Variants in HERC3 observed in about 807,000 individuals in gnomAD.
HERC3 encodes the protein HECT and RLD domain containing E3 ubiquitin protein ligase 3.
Under a neutral mutation model 129.9 loss-of-function variants are expected in HERC3, and 58 were observed. The ratio of observed to expected loss-of-function variants is 0.45; its 90% CI spans 0.36 to 0.56. The LOEUF (loss-of-function observed/expected upper bound fraction) is 0.56. Among genes scored for constraint, HERC3 ranks in the 20% least tolerant of loss-of-function variants. The pLI is 0.00. For synonymous variants in HERC3, 430 were observed against 451.0 expected (o/e 0.95, Z 0.59); for missense variants, 835 against 1,244.2 (o/e 0.67, Z 4.95).
intron 16 of HERC3, among the ~76,000 whole-genome samples, chr4:88,672,374 A>G (rs543782590): frequency 4.3e-4 from 66 of 152,320 alleles, no homozygotes; most frequent in East Asian, 3.5e-3. Flanking sequence ...TATTAAAGAA[A>G]TATGGAAAAT....
chr4:88,649,328 A>T (rs964161143), intron 3 of HERC3, among the ~76,000 whole-genome samples: 5 of 152,072 alleles, frequency 3.3e-5, no homozygotes, highest in African/African-American at 1.2e-4. Flanking sequence ...CCAGAGAGAG[A>T]TCCTTCTGTT....
the HERC3 span, among the ~76,000 whole-genome samples, chr4:88,554,345 C>CAAAAAAAAA: frequency 1.7e-5 from 1 of 59,832 alleles, no homozygotes. Flanking sequence ...ACTCCATCTC[C>CAAAAAAAAA]AAAAAAAAAA....
At chr4:88,559,960 A>ATTT in the HERC3 span, among the ~76,000 whole-genome samples, 1 of 119,552 alleles carries the variant, frequency 8.4e-6, no homozygotes, top group Non-Finnish European at 1.8e-5. Context: ...GTTATTTTTG[A>ATTT]TTTTTTTTTT....
intron 9 of HERC3, 126 bp downstream of exon 9, chr4:88,656,161 T>A: frequency 1.2e-6 from 1 of 848,722 alleles, no homozygotes; most frequent in South Asian, 1.8e-5. Flanking sequence ...TTTTTTAACA[T>A]CAATTAATAA....
At chr4:88,637,475 A>G (rs1422829317) in intron 3 of HERC3, among the ~76,000 whole-genome samples, 7 of 152,118 alleles carry the variant, frequency 4.6e-5, no homozygotes, top group African/African-American at 1.7e-4. Flanking sequence ...AAATTGAACA[A>G]CCTGCTCCTG....
chr4:88,602,070 A>G (rs1408483099), intron 2 of HERC3, among the ~76,000 whole-genome samples: 2 of 149,134 alleles, frequency 1.3e-5, no homozygotes, highest in Non-Finnish European at 3.0e-5. Context: ...AAAAAAAAAA[A>G]AAAGAAAAGG....
At chr4:88,697,040 G>T (rs1734668797) in intron 23 of HERC3, 4 of 605,534 alleles carry the variant, frequency 6.6e-6, no homozygotes, top group South Asian at 4.1e-5. Context: ...AATCGAGCTG[G>T]CCAGGATCTA....
At chr4:88,605,275 AT>A (rs541147348) in intron 2 of HERC3, among the ~76,000 whole-genome samples, 5 of 150,272 alleles carry the variant, frequency 3.3e-5, no homozygotes, top group African/African-American at 7.3e-5. Flanking sequence ...AGAAGATAAC[AT>A]TTTTTTTTTC....
chr4:88,652,140 C>CTCTTTG, intron 5 of HERC3, 52 bp downstream of exon 5: 1 of 1,330,572 alleles, frequency 7.5e-7, no homozygotes, highest in Non-Finnish European at 1.1e-6. Flanking sequence ...GAAAACATTT[C>CTCTTTG]TCTTTGTCTT....
chr4:88,525,051 T>C, the HERC3 span: 4 of 152,174 alleles, frequency 2.6e-5, no homozygotes, highest in African/African-American at 9.7e-5. Flanking sequence ...TATTTTTTGA[T>C]GTTCTTTGTT....
chr4:88,703,979 C>A, intron 23 of HERC3, 119 bp from the exon 24 acceptor site: 1 of 930,108 alleles, frequency 1.1e-6, no homozygotes, highest in Non-Finnish European at 1.6e-6. Context: ...AGGATGCCTC[C>A]TGATTTGAGA....
chr4:88,665,924 T>A (rs1730998472), intron 12 of HERC3, among the ~76,000 whole-genome samples: 1 of 152,196 alleles, frequency 6.6e-6, no homozygotes. Flanking sequence ...GTGATTTTGC[T>A]CCCCAAAGGA....
intron 23 of HERC3, among the ~76,000 whole-genome samples, chr4:88,702,984 G>A (rs1425223737): frequency 2.0e-5 from 3 of 152,192 alleles, no homozygotes; most frequent in African/African-American, 7.2e-5. Context: ...AAGCAGCCCA[G>A]GAAGCCAGCC....
chr4:88,610,996 A>G (rs947751643), intron 3 of HERC3, among the ~76,000 whole-genome samples: 3 of 152,226 alleles, frequency 2.0e-5, no homozygotes, highest in Admixed American at 2.0e-4. Context: ...AGTGACTGCA[A>G]GAATCCCAAG....
chr4:88,566,676 G>A, the HERC3 span, among the ~76,000 whole-genome samples: 1 of 152,164 alleles, frequency 6.6e-6, no homozygotes, highest in Non-Finnish European at 1.5e-5. Flanking sequence ...TGTAGGATAA[G>A]TCTGATGTGG....
chr4:88,697,828 T>C (rs1015091253), intron 23 of HERC3: 1 of 1,502,640 alleles, frequency 6.7e-7, no homozygotes, highest in Non-Finnish European at 8.9e-7. Context: ...CAGAGAGATC[T>C]TGCGGATGCG....
chr4:88,552,842 G>T, the HERC3 span, among the ~76,000 whole-genome samples: 22 of 152,120 alleles, frequency 1.4e-4, no homozygotes, highest in African/African-American at 5.3e-4. Flanking sequence ...ACCTACTAAT[G>T]GGCCCTGTTG....
the HERC3 span, chr4:88,523,847 T>C: frequency 2.6e-6 from 2 of 755,954 alleles, no homozygotes; most frequent in Non-Finnish European, 4.0e-6. Flanking sequence ...GCGGGCGCTT[T>C]GGTTCCGAGG....
chr4:88,570,892 T>A, the HERC3 span, among the ~76,000 whole-genome samples: 1 of 152,010 alleles, frequency 6.6e-6, no homozygotes, highest in Non-Finnish European at 1.5e-5. Flanking sequence ...TAGCTGGGAC[T>A]ACAGGCGCCC....
Sources: gnomAD v4.1 joint callset for allele counts (sites outside exome capture counted in the v4.1 genomes callset) on GRCh38, gnomAD v4.1.1 for gene constraint, MANE v1.5 for transcripts, NCBI Gene and HGNC (gene_info 2026-07-23, HGNC 2026-07-21) for gene names.